PLSCR2: variants seen among roughly 807,000 people sequenced by gnomAD.
PLSCR2 encodes the protein phospholipid scramblase 2, also known as PL scramblase 2.
Under a neutral mutation model 25.3 loss-of-function variants are expected in PLSCR2, and 18 were observed. The observed-to-expected ratio is 0.71, with a 90% confidence interval of 0.49 to 1.06. The LOEUF is 1.06. PLSCR2 is among the 50% of genes least tolerant of loss of function. The pLI is 0.00. For synonymous variants in PLSCR2, 88 were observed against 87.3 expected, an observed-to-expected ratio of 1.01 and a Z score of -0.04; for missense variants, 243 against 269.5, an observed-to-expected ratio of 0.90 and a Z score of 0.69.
rs376512198 is a variant in PLSCR2 at position 146,468,985 on chromosome 3, C to T, written c.-292-8701G>A. 3.0e-4 allele frequency: 75 copies of T among 253,270 alleles called. No homozygotes were observed. In the South Asian group the frequency reaches 0.01, roughly 34 times the overall value. The allele number at this position is 253,270 out of a possible 1,614,324, so 15.7% of individuals were successfully genotyped here. On this transcript the variant is annotated intron_variant, in intron 1 of 8. Transcript: ENST00000336685. ...AGAGGCCGAATTTAAAGTCGGGGAG[C>T]CTGACTGGAGCTAATGGTCTTAGGA...
At chr3:146,443,011 A>G (rs74665872) in intron 6 of PLSCR2, among the ~76,000 whole-genome samples, 1,855 of 152,156 alleles carry the variant, frequency 0.012, 36 homozygotes, top group African/African-American at 0.043. Context: ...TAAACACAGT[A>G]AGGAGACAGC....
chr3:146,464,187 T>C (rs1399015518), upstream of PLSCR2, among the ~76,000 whole-genome samples: 1 of 152,150 alleles, frequency 6.6e-6, no homozygotes, highest in Non-Finnish European at 1.5e-5. Flanking sequence ...CTAGTAAACA[T>C]GTGTAACTAG....
chr3:146,394,732 T>C (rs1323209189), intron 3 of PLSCR2, among the ~76,000 whole-genome samples: 1 of 152,252 alleles, frequency 6.6e-6, no homozygotes, highest in East Asian at 1.9e-4. Flanking sequence ...ATGACTGATA[T>C]GGTTTGGCTC....
intron 2 of PLSCR2, 122 bp downstream of exon 2, chr3:146,459,724 TTC>T: frequency 1.5e-6 from 1 of 687,408 alleles, no homozygotes; most frequent in Non-Finnish European, 2.4e-6. Context: ...TGTTTACCAT[TTC>T]TGACTTTAAT....
At chr3:146,482,876 C>T (rs528760175) in intron 1 of PLSCR2, among the ~76,000 whole-genome samples, 19 of 152,162 alleles carry the variant, frequency 1.2e-4, no homozygotes, top group Middle Eastern at 3.4e-3. Context: ...ATATACACAC[C>T]GTGGAATACT....
intron 1 of PLSCR2, chr3:146,495,141 T>C (rs2043701435): frequency 1.3e-5 from 2 of 152,156 alleles, no homozygotes; most frequent in South Asian, 4.1e-4. Flanking sequence ...ACATATTTCA[T>C]ATACATGGTG....
At chr3:146,465,715 A>C (rs781331215) in intron 1 of PLSCR2, among the ~76,000 whole-genome samples, 1 of 152,182 alleles carries the variant, frequency 6.6e-6, no homozygotes, top group African/African-American at 2.4e-5. Context: ...CTTCCTACCA[A>C]TAAGTAAGAA....
intron 2 of PLSCR2, among the ~76,000 whole-genome samples, chr3:146,400,919 C>CT (rs769975740): frequency 1.3e-5 from 2 of 151,916 alleles, no homozygotes; most frequent in Non-Finnish European, 2.9e-5. Context: ...AAAGAATAGT[C>CT]TTTTACAAAT....
In PLSCR2 at chr3:146,484,259, G is replaced by T. The variant is rs571765932; in HGVS notation, c.-293+11636C>A. On this transcript the variant is annotated intron_variant, in intron 1 of 8. Coordinates refer to the PLSCR2 transcript ENST00000336685. ...TAGAGAAAAAAGAATGAAAAGGAAT[G>T]AACAAAACCTCCGACAACTATGGGA... is the stretch of plus-strand genomic sequence containing the variant. Among the ~76,000 whole-genome samples, 16 of 150,322 alleles carry T rather than the reference G, an allele frequency of 1.1e-4. No homozygotes were observed. In the Admixed American group the frequency reaches 1.1e-3, roughly 10 times the overall value.
chr3:146,434,252 C>T (rs2039689546), intron 8 of PLSCR2, among the ~76,000 whole-genome samples: 2 of 152,156 alleles, frequency 1.3e-5, no homozygotes, highest in Non-Finnish European at 2.9e-5. Context: ...CTCTGGGCAA[C>T]TGAACACTGT....
upstream of PLSCR2, among the ~76,000 whole-genome samples, chr3:146,462,615 G>A (rs1046533359): frequency 6.6e-6 from 1 of 151,678 alleles, no homozygotes; most frequent in Non-Finnish European, 1.5e-5. Flanking sequence ...ACAGGCACAC[G>A]CCACCATACC....
At chr3:146,433,266 C>G (rs1217800432), downstream of PLSCR2, 1 of 152,126 alleles carries the variant, frequency 6.6e-6, no homozygotes, top group Non-Finnish European at 1.5e-5. Flanking sequence ...TCTCTCAAAT[C>G]TCACTAAAAT....
At chr3:146,464,570 C>G (rs550844340), upstream of PLSCR2, among the ~76,000 whole-genome samples, 1 of 152,208 alleles carries the variant, frequency 6.6e-6, no homozygotes, top group South Asian at 2.1e-4. Context: ...TTATGCTGTA[C>G]TAAAACAAAG....
intron 2 of PLSCR2, among the ~76,000 whole-genome samples, chr3:146,417,942 C>T (rs1159041736): frequency 1.3e-5 from 2 of 152,030 alleles, no homozygotes; most frequent in African/African-American, 4.8e-5. Context: ...TGCAATGGGT[C>T]CTCAGGGTTG....
intron 5 of PLSCR2, among the ~76,000 whole-genome samples, chr3:146,450,960 A>T (rs36094824): frequency 2.0e-5 from 3 of 151,414 alleles, no homozygotes; most frequent in East Asian, 1.9e-4. Context: ...TAATTTTTAT[A>T]AAAAAAATTT....
chr3:146,470,237 A>G (rs2042064708), intron 1 of PLSCR2, among the ~76,000 whole-genome samples: 1 of 152,102 alleles, frequency 6.6e-6, no homozygotes, highest in African/African-American at 2.4e-5. Flanking sequence ...AAATAAATAC[A>G]TATTGCACTG....
intron 2 of PLSCR2, among the ~76,000 whole-genome samples, chr3:146,399,236 T>C (rs2038379497): frequency 6.6e-6 from 1 of 151,888 alleles, no homozygotes; most frequent in Admixed American, 6.6e-5. Flanking sequence ...CTCTTTGCCA[T>C]GGCAAATATA....
At chr3:146,490,004 C>A (rs762366122) in intron 1 of PLSCR2, among the ~76,000 whole-genome samples, 1 of 152,084 alleles carries the variant, frequency 6.6e-6, no homozygotes, top group Non-Finnish European at 1.5e-5. Flanking sequence ...CAACACATTA[C>A]AGCATCTACT....
chr3:146,432,656 C>T (rs1044667972), downstream of PLSCR2, among the ~76,000 whole-genome samples: 5 of 151,996 alleles, frequency 3.3e-5, no homozygotes, highest in African/African-American at 9.7e-5. Context: ...TGTTCTAAAT[C>T]CTTTGGTTCT....
Sources: allele counts gnomAD v4.1 joint callset (sites outside exome capture counted in the v4.1 genomes callset), GRCh38; gene constraint gnomAD v4.1.1; transcripts MANE v1.5; gene names NCBI Gene and HGNC (gene_info 2026-07-23, HGNC 2026-07-21).